Variants in DOCK9 observed in about 807,000 individuals in gnomAD.
The protein encoded by DOCK9 is dedicator of cytokinesis protein 9.
DOCK9 carries 89 observed loss-of-function variants against 263.3 expected under a neutral mutation model. That is an observed-to-expected ratio of 0.34 (90% confidence interval 0.28 to 0.40). The LOEUF (loss-of-function observed/expected upper bound fraction) is 0.40. Among genes scored for constraint, DOCK9 ranks in the 10% least tolerant of loss-of-function variants. The probability of loss-of-function intolerance (pLI) is 1.00; values close to 1 mark genes in which losing one functional copy is unlikely to be tolerated. For missense variants in DOCK9, 2,140 were observed against 2,603.4 expected, an observed-to-expected ratio of 0.82 and a Z score of 3.87; for synonymous variants, 976 against 973.1, an observed-to-expected ratio of 1.00 and a Z score of -0.06.
intron 2 of DOCK9, among the ~76,000 whole-genome samples, chr13:98,954,537 C>A (rs906223008): frequency 5.9e-5 from 9 of 152,236 alleles, no homozygotes; most frequent in African/African-American, 2.2e-4. Context: ...GAGCGGCACA[C>A]AGCAGGAGCT....
intron 2 of DOCK9, among the ~76,000 whole-genome samples, chr13:98,931,564 C>T (rs1232768209): frequency 1.3e-5 from 2 of 151,898 alleles, no homozygotes; most frequent in Non-Finnish European, 2.9e-5. Context: ...TCCCAAAGTG[C>T]TGGGATTACA....
chr13:98,934,540 TCAAAAA>T (rs2054504332), intron 2 of DOCK9, among the ~76,000 whole-genome samples: 1 of 152,188 alleles, frequency 6.6e-6, no homozygotes, highest in Non-Finnish European at 1.5e-5. Context: ...GGTTTGTTAC[TCAAAAA>T]CAGAAAACCA....
At chr13:98,911,368 C>T (rs951120218) in intron 9 of DOCK9, among the ~76,000 whole-genome samples, 1 of 152,140 alleles carries the variant, frequency 6.6e-6, no homozygotes, top group East Asian at 1.9e-4. Context: ...TCCCAATTAT[C>T]CTGATTTGAT....
At chr13:98,855,871 C>T in intron 34 of DOCK9, 27 bp downstream of exon 34, 1 of 1,612,438 alleles carries the variant, frequency 6.2e-7, no homozygotes, top group Non-Finnish European at 8.5e-7. Context: ...TTATAAGAAA[C>T]ATTTGTGTTG....
intron 41 of DOCK9, among the ~76,000 whole-genome samples, chr13:98,830,653 T>C (rs1388758558): frequency 2.6e-5 from 4 of 152,180 alleles, no homozygotes; most frequent in Non-Finnish European, 4.4e-5. Flanking sequence ...TCACATCCTC[T>C]AGGTGCCCCT....
intron 1 of DOCK9, among the ~76,000 whole-genome samples, chr13:98,987,070 C>T (rs1878637815): frequency 6.6e-6 from 1 of 151,990 alleles, no homozygotes; most frequent in African/African-American, 2.4e-5. Flanking sequence ...TCTTCACCAC[C>T]ACCACCGCCA....
At chr13:99,048,908 T>C (rs2040558151) in intron 1 of DOCK9, among the ~76,000 whole-genome samples, 1 of 152,260 alleles carries the variant, frequency 6.6e-6, no homozygotes, top group Non-Finnish European at 1.5e-5. Context: ...CAAAGCTTAA[T>C]AAGCTGAATA....
intron 1 of DOCK9, among the ~76,000 whole-genome samples, chr13:99,060,837 G>A (rs1336799306): frequency 6.6e-6 from 1 of 152,174 alleles, no homozygotes; most frequent in African/African-American, 2.4e-5. Flanking sequence ...CAAGGTCAGG[G>A]GCTGAGTCTG....
intron 2 of DOCK9, among the ~76,000 whole-genome samples, chr13:98,939,769 G>A (rs572289870): frequency 5.3e-5 from 8 of 152,312 alleles, no homozygotes; most frequent in African/African-American, 1.9e-4. Flanking sequence ...GGGCCAAATG[G>A]AGAGCATCCA....
Position 98,836,871 on chromosome 13 carries a change from C to T in DOCK9, c.4314+623G>A, listed in dbSNP as rs529513750. On this transcript the variant is annotated intron_variant, in intron 39 of 52. Transcript: ENST00000682017. Reference sequence around the variant, plus strand: ...CCAATATTTATGGCATATAAACACTCATTCAATTTCTCCTTTCTATGCTAG... The same window carrying T: ...CCAATATTTATGGCATATAAACACTTATTCAATTTCTCCTTTCTATGCTAG... 1.4e-4 allele frequency among the ~76,000 whole-genome samples: 21 copies of T among 152,278 alleles called. No homozygotes were observed. The East Asian group carries it at 3.9e-3, about 28-fold the overall frequency.
chr13:98,838,435 T>C (rs754828176), intron 38 of DOCK9, among the ~76,000 whole-genome samples: 7 of 152,110 alleles, frequency 4.6e-5, no homozygotes, highest in Non-Finnish European at 1.0e-4. Context: ...TAATCAAGAG[T>C]TGACTGCGCT....
At chr13:99,063,993 A>G (rs1291431507) in intron 1 of DOCK9, among the ~76,000 whole-genome samples, 1 of 152,160 alleles carries the variant, frequency 6.6e-6, no homozygotes, top group Non-Finnish European at 1.5e-5. Flanking sequence ...ATGCTTCTCT[A>G]TTCTGAAGCC....
intron 1 of DOCK9, among the ~76,000 whole-genome samples, chr13:98,962,387 A>G (rs9557098): frequency 0.54 from 81,635 of 152,030 alleles, 22,138 homozygotes; most frequent in East Asian, 0.75. Flanking sequence ...TCTTAAAGAA[A>G]GCCCCTAAAA....
rs2089109156 is a variant in DOCK9, at chr13:98,794,642, G to A, written c.6263C>T (p.Ser2088Leu). ...GAGATGTAATCACACGACCGAAGAC[G>A]AGCTGGTCATCCCGTGAACCATTGT... The part of the protein sequence containing the change: ...TSTMVHGMTS[S>L]SSVV The change falls in exon 53 of 53, where the codon TCG becomes TTG. Residue 2088 changes from serine to leucine, a missense_variant. Ser to Leu is a moderately radical substitution (Grantham distance 145, BLOSUM62 -2). This residue lies in a region of DOCK9 where 619 missense variants were observed against 861.8 expected (regional missense o/e 0.72). Coordinates refer to ENST00000682017, the MANE Select transcript of DOCK9 (RefSeq NM_001366683.2). 6.2e-7 allele frequency: 1 copy of A among 1,607,384 alleles called. No homozygotes were observed. The highest frequency in any genetic ancestry group is 8.5e-7 in the Non-Finnish European group (1 of 1,176,896).
At chr13:98,870,031 T>G (rs2094146653) in intron 27 of DOCK9, among the ~76,000 whole-genome samples, 1 of 152,242 alleles carries the variant, frequency 6.6e-6, no homozygotes, top group Non-Finnish European at 1.5e-5. Context: ...AAGAGAGAAA[T>G]GAACCTTCTG....
rs886190897 is a variant in DOCK9, at chr13:99,020,943, G to A, written c.129+65280C>T. Among the ~76,000 whole-genome samples the A allele has an allele frequency of 7.9e-5, 12 of 152,206 alleles. No homozygotes were observed. In the East Asian group the frequency reaches 1.4e-3, roughly 17 times the overall value. Reference sequence around the variant, plus strand: ...GGACAGATAGAATTCAGTCTAACACGTCATTCATTCTATTTAAATGCCATT... The same window carrying A: ...GGACAGATAGAATTCAGTCTAACACATCATTCATTCTATTTAAATGCCATT... On this transcript the variant is annotated intron_variant, in intron 1 of 32. Coordinates refer to the DOCK9 transcript ENST00000427887.
In DOCK9 at chr13:98,829,629, G is replaced by C; in HGVS notation, c.4749+14C>G. 5 of 1,592,746 alleles carry C rather than the reference G, an allele frequency of 3.1e-6. No individual in the cohort carries two copies. Among genetic ancestry groups the C allele is most frequent in the Non-Finnish European group, 4.3e-6 (5 of 1,168,458 alleles). On this transcript the variant is annotated intron_variant, in intron 42 of 52. Transcript: ENST00000682017. This position sits in a 1 kb window ranked among gnomAD's most constrained non-coding sequence, Gnocchi z 4.1. Reference sequence around the variant, plus strand: ...GAGTCTCAGGGTGAAACTAACATGGGCCAGGCTACCCACCTTAATAAGCCG... The same window carrying C: ...GAGTCTCAGGGTGAAACTAACATGGCCCAGGCTACCCACCTTAATAAGCCG...
At chr13:98,831,603 G>A (rs755300851) in intron 40 of DOCK9, 46 bp downstream of exon 40, 14 of 1,602,466 alleles carry the variant, frequency 8.7e-6, no homozygotes, top group African/African-American at 4.0e-5. Flanking sequence ...CTTCAATTCC[G>A]GGGGAAGAAG....
chr13:98,887,333 T>C (rs2045920047), intron 18 of DOCK9, among the ~76,000 whole-genome samples: 1 of 151,016 alleles, frequency 6.6e-6, no homozygotes, highest in South Asian at 2.1e-4. Flanking sequence ...ATATGGATAA[T>C]AGGCCGGGTG....
Sources: gnomAD v4.1 joint callset for allele counts (sites outside exome capture counted in the v4.1 genomes callset) on GRCh38, gnomAD v4.1.1 for gene constraint, gnomAD v4.1.1 regional missense constraint, Gnocchi (gnomAD v3.1) non-coding constraint, MANE v1.5 for transcripts, NCBI Gene and HGNC (gene_info 2026-07-23, HGNC 2026-07-21) for gene names.